Variants in SIGLEC1 observed in about 807,000 individuals in gnomAD.
The protein encoded by SIGLEC1 is sialic acid binding Ig like lectin 1, also known as sialoadhesin.
A neutral mutation model predicts 148.0 loss-of-function variants in SIGLEC1; 132 were observed. The observed-to-expected ratio is 0.89, with a 90% CI of 0.77 to 1.03. The LOEUF (loss-of-function observed/expected upper bound fraction) is 1.03. Ranked by LOEUF, SIGLEC1 falls within the 50% of genes least tolerant of loss-of-function variation. SIGLEC1 has a pLI of 0.00. For synonymous variants in SIGLEC1, 945 were observed against 969.0 expected (o/e 0.98, Z 0.46); for missense variants, 2,253 against 2,271.4 (o/e 0.99, Z 0.16).
chr20:3,695,030 G>A (rs1426885057), intron 11 of SIGLEC1, 107 bp from the exon 12 acceptor site: 5 of 1,225,516 alleles, frequency 4.1e-6, no homozygotes, highest in Non-Finnish European at 5.6e-6. Context: ...CCATGTGCTG[G>A]AGCCGCAGCC....
intron 7 of SIGLEC1, among the ~76,000 whole-genome samples, 191 bp downstream of exon 7, chr20:3,701,151 G>C (rs1279383918): frequency 1.3e-5 from 2 of 152,216 alleles, no homozygotes; most frequent in Non-Finnish European, 2.9e-5. Context: ...GTGACCTGTT[G>C]TGTTTCCCTT....
At chr20:3,703,545 C>T (rs2087869241) in intron 5 of SIGLEC1, 94 bp from the exon 6 acceptor site, 1 of 1,456,520 alleles carries the variant, frequency 6.9e-7, no homozygotes, top group Admixed American at 2.3e-5. Context: ...CAGCCTCAAT[C>T]TCTGCACATC....
intron 1 of SIGLEC1, among the ~76,000 whole-genome samples, chr20:3,711,337 C>CA (rs1450864447): frequency 6.6e-6 from 1 of 152,180 alleles, no homozygotes. Context: ...AGTGGGCACT[C>CA]ACGTTTGCTG....
At chr20:3,697,526 G>A (rs912229597) in intron 9 of SIGLEC1, among the ~76,000 whole-genome samples, 184 bp from the exon 10 acceptor site, 1 of 151,316 alleles carries the variant, frequency 6.6e-6, no homozygotes, top group East Asian at 1.9e-4. Flanking sequence ...GGGGCCCTGG[G>A]CAGAGAGGGT....
intron 8 of SIGLEC1, among the ~76,000 whole-genome samples, chr20:3,698,455 A>C (rs2087823444): frequency 6.6e-6 from 1 of 152,180 alleles, no homozygotes; most frequent in African/African-American, 2.4e-5. Flanking sequence ...CAGGGTGCCC[A>C]CCTAGCAATC....
intron 7 of SIGLEC1, 57 bp downstream of exon 7, chr20:3,701,285 G>A: frequency 5.4e-6 from 8 of 1,468,872 alleles, no homozygotes; most frequent in Non-Finnish European, 7.4e-6. Context: ...GAACAGACTG[G>A]AGCAGGCTCC....
intron 10 of SIGLEC1, 80 bp from the exon 11 acceptor site, chr20:3,696,968 C>T: frequency 6.5e-7 from 1 of 1,531,196 alleles, no homozygotes; most frequent in Middle Eastern, 2.4e-4. Context: ...CCACCTCCTG[C>T]CACACACACA....
Position 3,710,329 on chromosome 20 carries a change from G to T in SIGLEC1, c.-110+2141C>A, listed in dbSNP as rs904813577. ...GCAGAAGGCAGAAGGTGCCCCAGCA[G>T]GGGGCACAGTACAGGGCGGGATTGG... On this transcript the variant is annotated intron_variant, in intron 1 of 21. Transcript: ENST00000344754. This position sits in a 1 kb window ranked among gnomAD's most constrained non-coding sequence, Gnocchi z 4.6. Among the ~76,000 whole-genome samples, 11 of 152,314 alleles carry T rather than the reference G, an allele frequency of 7.2e-5. No individual in the cohort carries two copies. Among genetic ancestry groups the T allele is most frequent in the African/African-American group, 2.6e-4 (11 of 41,564 alleles).
chr20:3,705,574 G>C (rs2087886114), intron 4 of SIGLEC1, among the ~76,000 whole-genome samples, 170 bp downstream of exon 4: 1 of 152,212 alleles, frequency 6.6e-6, no homozygotes, highest in African/African-American at 2.4e-5. Flanking sequence ...ATTTAACGAA[G>C]TCCTTGGGGC....
At chr20:3,711,058 A>G (rs762590310) in intron 1 of SIGLEC1, among the ~76,000 whole-genome samples, 2 of 152,268 alleles carry the variant, frequency 1.3e-5, no homozygotes, top group Admixed American at 1.3e-4. Context: ...TGGCCTAGTG[A>G]GCACGCAGCG....
chr20:3,697,452 G>C (rs2087812373), intron 9 of SIGLEC1, 110 bp from the exon 10 acceptor site: 1 of 1,413,724 alleles, frequency 7.1e-7, no homozygotes, highest in African/African-American at 1.4e-5. Flanking sequence ...GTGCCCACAG[G>C]GTTGGGGAGA....
In SIGLEC1 at chr20:3,698,124, C is replaced by A; in HGVS notation, c.1796G>T (p.Arg599Leu). ...PAVLTVLYPP[R>L]QPTFTTRLDL... ...CAGCCTGGTGGTGAATGTTGGTTGT[C>A]GAGGGGGGTCTGCAGGGAGGAAGAA... is the stretch of plus-strand genomic sequence containing the variant. Residue 599 changes from arginine (R) to leucine (L), a missense_variant, in exon 9 of 22, where the codon CGA becomes CTA. Transcript: ENST00000344754. 6.3e-7 allele frequency: 1 copy of A among 1,594,040 alleles called. No homozygotes were observed. The highest frequency in any genetic ancestry group is 8.5e-7 in the Non-Finnish European group (1 of 1,172,788).
chr20:3,702,895 C>A (rs957034388), intron 6 of SIGLEC1, among the ~76,000 whole-genome samples: 1 of 151,980 alleles, frequency 6.6e-6, no homozygotes, highest in Non-Finnish European at 1.5e-5. Flanking sequence ...GTGTAGACAG[C>A]GAGAAAGATT....
chr20:3,702,098 A>G (rs2087856826), intron 6 of SIGLEC1, among the ~76,000 whole-genome samples: 1 of 152,086 alleles, frequency 6.6e-6, no homozygotes, highest in Non-Finnish European at 1.5e-5. Context: ...GCAGGCCTGC[A>G]CTCTGCAAGT....
At position 3,706,795 on chromosome 20, in the gene SIGLEC1, C is replaced by T. The variant is rs1401467988; in HGVS notation, c.50-89G>A. On this transcript the variant is annotated intron_variant, in intron 2 of 21. Transcript: ENST00000344754. ...CCTGCGACCTGCCCCAGAGAAGGTG[C>T]CCCAGCTGGGCTCCCAAATTCTGCC... The T allele has an allele frequency of 9.1e-6, 13 of 1,424,776 alleles. No homozygotes were observed. The African/African-American group carries it at 1.1e-4, about 13-fold the overall frequency. 88.3% of individuals were successfully genotyped at this position (1,424,776 alleles called of 1,614,324 possible). A position where few individuals can be genotyped will look rare whatever the true frequency, so the allele number is the denominator to read the frequency against.
At position 3,701,601 on chromosome 20, in the gene SIGLEC1, G is replaced by T; in HGVS notation, c.1269C>A (p.Thr423=). The T allele has an allele frequency of 1.3e-6, 2 of 1,589,120 alleles. No homozygotes were observed. The highest frequency in any genetic ancestry group is 1.3e-5 in the African/African-American group (1 of 74,678). ...GAAGGATGCCCACAAGTCCCGCCTGGGTCTCCAGGAAGGCTGTCAGGACTG... is the reference window on the plus strand; with the variant it reads ...GAAGGATGCCCACAAGTCCCGCCTGTGTCTCCAGGAAGGCTGTCAGGACTG... ...LTPVLTAFLE[T]QAGLVGILHC... Residue 423 remains threonine (T), a synonymous_variant, in exon 7 of 22, where the codon ACC becomes ACA. Coordinates refer to ENST00000344754, the MANE Select transcript of SIGLEC1 (RefSeq NM_023068.4).
intron 18 of SIGLEC1, 101 bp downstream of exon 18, chr20:3,691,239 T>G: frequency 6.9e-7 from 1 of 1,455,084 alleles, no homozygotes; most frequent in Non-Finnish European, 9.5e-7. Flanking sequence ...GGACTCAATA[T>G]CCGTGAAGCC....
At chr20:3,704,319 G>A (rs776009570) in intron 4 of SIGLEC1, among the ~76,000 whole-genome samples, 19 of 152,236 alleles carry the variant, frequency 1.2e-4, no homozygotes, top group Non-Finnish European at 2.5e-4. Context: ...ATCATGTGAC[G>A]CTTGGCCAGC....
At chr20:3,708,081 T>C (rs1011305419) in intron 1 of SIGLEC1, among the ~76,000 whole-genome samples, 9 of 152,170 alleles carry the variant, frequency 5.9e-5, no homozygotes, top group African/African-American at 9.7e-5. Context: ...GCAAACCCCT[T>C]AGTGACTAAG....
Sources: allele counts gnomAD v4.1 joint callset (sites outside exome capture counted in the v4.1 genomes callset), GRCh38; gene constraint gnomAD v4.1.1; non-coding constraint Gnocchi (gnomAD v3.1); transcripts MANE v1.5; gene names NCBI Gene and HGNC (gene_info 2026-07-23, HGNC 2026-07-21).